Variants in KIF15 observed in about 807,000 individuals in gnomAD.
KIF15 encodes the protein kinesin-like protein KIF15.
KIF15 carries 140 observed loss-of-function variants against 190.6 expected under a neutral mutation model. The ratio of observed to expected loss-of-function variants is 0.73; its 90% CI spans 0.64 to 0.84. The LOEUF (loss-of-function observed/expected upper bound fraction) is 0.84, where lower values mean the gene tolerates loss of function less well. Ranked by LOEUF, KIF15 falls within the 40% of genes least tolerant of loss-of-function variation. The pLI is 0.00. For missense variants in KIF15, 1,372 were observed against 1,584.4 expected, an observed-to-expected ratio of 0.87 and a Z score of 2.28; for synonymous variants, 528 against 551.3, an observed-to-expected ratio of 0.96 and a Z score of 0.59.
At position 44,794,330 on chromosome 3, in the gene KIF15, T is replaced by A. The variant is rs1706865890; in HGVS notation, c.753T>A (p.Asn251Lys). Residue 251 changes from asparagine (N) to lysine (K), a missense_variant, in exon 8 of 35, where the codon AAT (asparagine) becomes AAA (lysine). Asn to Lys is a moderately conservative substitution (Grantham distance 94). Transcript: ENST00000326047. ...TITIESMEKS[N>K]EIVNIRTSLL... ...CAATAGAGTCAATGGAGAAAAGTAA[T>A]GAGATTGTGAATATACGGACCTCCC... is the stretch of plus-strand genomic sequence containing the variant. 6.2e-7 allele frequency: 1 copy of A among 1,613,830 alleles called. No homozygotes were observed. The highest frequency in any genetic ancestry group is 8.5e-7 in the Non-Finnish European group (1 of 1,179,934).
intron 7 of KIF15, among the ~76,000 whole-genome samples, chr3:44,791,039 G>T (rs528144654): frequency 1.3e-5 from 2 of 152,138 alleles, no homozygotes; most frequent in South Asian, 4.1e-4. Flanking sequence ...TACTTTGCTC[G>T]TTTTTTTAAC....
At chr3:44,844,938 G>A (rs1043931784) in intron 30 of KIF15, among the ~76,000 whole-genome samples, 2 of 152,204 alleles carry the variant, frequency 1.3e-5, no homozygotes, top group Admixed American at 6.5e-5. Flanking sequence ...CAAAGACCAG[G>A]TGCCTGGTTA....
intron 6 of KIF15, chr3:44,864,169 G>A (rs773789170): frequency 3.7e-6 from 6 of 1,612,386 alleles, no homozygotes; most frequent in African/African-American, 1.3e-5. Flanking sequence ...CAGGGTGGAC[G>A]TGGCTGCAGT....
At chr3:44,772,850 G>A (rs1705700212) in intron 1 of KIF15, among the ~76,000 whole-genome samples, 1 of 152,188 alleles carries the variant, frequency 6.6e-6, no homozygotes, top group African/African-American at 2.4e-5. Context: ...CACTGGGCAC[G>A]TGGTTACAGG....
intron 5 of KIF15, among the ~76,000 whole-genome samples, chr3:44,782,059 A>AT (rs1350517039): frequency 2.1e-5 from 3 of 146,050 alleles, no homozygotes; most frequent in Non-Finnish European, 4.5e-5. Context: ...TCTTCTTTTT[A>AT]TTTTTTTTGA....
intron 30 of KIF15, among the ~76,000 whole-genome samples, chr3:44,845,493 T>A (rs1334841721): frequency 6.6e-6 from 1 of 151,960 alleles, no homozygotes; most frequent in South Asian, 2.1e-4. Context: ...AGAAGAAACT[T>A]TGGAGACAGA....
chr3:44,793,113 C>T (rs1028728290), intron 7 of KIF15, among the ~76,000 whole-genome samples: 5 of 152,126 alleles, frequency 3.3e-5, no homozygotes, highest in African/African-American at 1.2e-4. Context: ...GATTCATATG[C>T]ACCTAAAACT....
At chr3:44,762,542 A>G (rs1400372241) in intron 1 of KIF15, among the ~76,000 whole-genome samples, 2 of 152,160 alleles carry the variant, frequency 1.3e-5, no homozygotes, top group African/African-American at 4.8e-5. Context: ...CACTTCTCAC[A>G]TTGCCACATC....
chr3:44,851,686 C>A, intron 32 of KIF15, 101 bp from the exon 33 acceptor site: 1 of 915,066 alleles, frequency 1.1e-6, no homozygotes, highest in Non-Finnish European at 1.6e-6. Flanking sequence ...GTAATACTTT[C>A]AAATCAAAAT....
intron 20 of KIF15, 43 bp downstream of exon 20, chr3:44,815,119 T>A: frequency 6.8e-7 from 1 of 1,473,704 alleles, no homozygotes. Flanking sequence ...TGATTGGCTG[T>A]AACCTACGAC....
intron 1 of KIF15, among the ~76,000 whole-genome samples, chr3:44,766,577 C>A (rs1575568689): frequency 4.6e-5 from 7 of 152,248 alleles, no homozygotes; most frequent in Admixed American, 6.5e-5. Context: ...TGTGGAGGAA[C>A]CCCTTGCAAT....
At chr3:44,771,788 AC>A (rs1312931807) in intron 1 of KIF15, among the ~76,000 whole-genome samples, 1 of 152,218 alleles carries the variant, frequency 6.6e-6, no homozygotes, top group African/African-American at 2.4e-5. Context: ...GCCATATAAT[AC>A]CCTTTTGAAT....
In KIF15 at chr3:44,843,234, G is replaced by A; in HGVS notation, c.3695G>A (p.Ser1232Asn). 1 of 1,601,558 alleles carries A rather than the reference G, an allele frequency of 6.2e-7. No homozygotes were observed. The highest frequency in any genetic ancestry group is 8.5e-7 in the Non-Finnish European group (1 of 1,170,464). The change falls in exon 30 of 35, where the codon AGT becomes AAT. Residue 1232 changes from serine (S) to asparagine (N), a missense_variant and splice_region_variant. Coordinates refer to ENST00000326047, the MANE Select transcript of KIF15 (RefSeq NM_020242.3). ...GATATTAAAAGACAAAAGGAAAACA[G>A]GTGAGAAAGAACCACGAGAACTCTA... Reference protein sequence around the residue: ...LDDIKRQKENSDQNHPDNQQL... With the variant: ...LDDIKRQKENNDQNHPDNQQL...
chr3:44,820,699 G>A (rs1435163043), intron 20 of KIF15, among the ~76,000 whole-genome samples: 3 of 152,318 alleles, frequency 2.0e-5, no homozygotes, highest in African/African-American at 7.2e-5. Flanking sequence ...TCCCAAGGCA[G>A]AAGAATTTTT....
intron 20 of KIF15, among the ~76,000 whole-genome samples, chr3:44,818,131 G>C (rs1330371975): frequency 6.6e-6 from 1 of 152,194 alleles, no homozygotes; most frequent in Non-Finnish European, 1.5e-5. Flanking sequence ...ATCAGCTTAA[G>C]GAGATTTTGG....
Position 44,827,517 on chromosome 3 carries a change from T to C in KIF15, c.2845T>C (p.Cys949Arg), listed in dbSNP as rs1453125415. 7.5e-6 allele frequency: 12 copies of C among 1,610,316 alleles called. No individual in the cohort carries two copies. In the African/African-American group the frequency reaches 1.2e-4, roughly 16 times the overall value. ...GGAGAAACAGAAAGAGACGGCCAAG[T>C]GTGAGCAGCAGGTAAAATTCCTGTT... Reference protein sequence around the residue: ...RQEKQKETAKCEQQMAKVQKL... With the variant: ...RQEKQKETAKREQQMAKVQKL... Residue 949 changes from cysteine to arginine, a missense_variant, in exon 23 of 35, where the codon TGT (cysteine) becomes CGT (arginine). Transcript: ENST00000326047.
At chr3:44,834,194 A>G (rs1692470522) in intron 26 of KIF15, among the ~76,000 whole-genome samples, 1 of 152,220 alleles carries the variant, frequency 6.6e-6, no homozygotes, top group Non-Finnish European at 1.5e-5. Context: ...AGTCTTTATT[A>G]GCTAAAATTT....
At chr3:44,840,874 G>C (rs1311873351) in intron 28 of KIF15, among the ~76,000 whole-genome samples, 200 bp from the exon 29 acceptor site, 1 of 151,890 alleles carries the variant, frequency 6.6e-6, no homozygotes, top group Non-Finnish European at 1.5e-5. Context: ...GGGTTTCACT[G>C]TGTTGCCTAG....
intron 27 of KIF15, among the ~76,000 whole-genome samples, chr3:44,838,750 A>C (rs77278947): frequency 1.3e-5 from 2 of 150,048 alleles, no homozygotes; most frequent in Non-Finnish European, 3.0e-5. Context: ...CCTGTCTCAA[A>C]AAAAAAAAAA....
Sources: allele counts gnomAD v4.1 joint callset (sites outside exome capture counted in the v4.1 genomes callset), GRCh38; gene constraint gnomAD v4.1.1; transcripts MANE v1.5; gene names NCBI Gene and HGNC (gene_info 2026-07-23, HGNC 2026-07-21).